The following PIK3C3 variants were observed in gnomAD, a reference collection of about 807,000 sequenced individuals.
PIK3C3 encodes the protein PI3-kinase type 3.
In PIK3C3, 95 loss-of-function variants were observed where a neutral mutation model predicts 126.1. The observed-to-expected ratio is 0.75, with a 90% CI of 0.64 to 0.89. The LOEUF (loss-of-function observed/expected upper bound fraction) is 0.89, where lower values mean the gene tolerates loss of function less well. Among genes scored for constraint, PIK3C3 ranks in the 40% least tolerant of loss-of-function variants. The pLI is 0.00. For missense variants in PIK3C3, 829 were observed against 1,063.2 expected (o/e 0.78, Z 3.06); for synonymous variants, 374 against 360.0 (o/e 1.04, Z -0.44).
At chr18:42,002,159 TC>T in intron 9 of PIK3C3, among the ~76,000 whole-genome samples, 1 of 152,272 alleles carries the variant, frequency 6.6e-6, no homozygotes. Context: ...GCCGAAAACT[TC>T]CTGTAAAACT....
chr18:42,010,506 C>T (rs1316719952), intron 10 of PIK3C3, among the ~76,000 whole-genome samples: 3 of 152,162 alleles, frequency 2.0e-5, no homozygotes, highest in Admixed American at 6.5e-5. Flanking sequence ...GCTGAGATTA[C>T]AGGCGTATGC....
At chr18:41,975,724 G>A (rs1055400759) in intron 4 of PIK3C3, among the ~76,000 whole-genome samples, 1 of 147,114 alleles carries the variant, frequency 6.8e-6, no homozygotes, top group Non-Finnish European at 1.5e-5. Context: ...TTCTGAGATG[G>A]AGTCTTGCTC....
At chr18:41,982,115 T>C (rs1981236023) in intron 4 of PIK3C3, among the ~76,000 whole-genome samples, 1 of 152,234 alleles carries the variant, frequency 6.6e-6, no homozygotes, top group Non-Finnish European at 1.5e-5. Context: ...AGATATTGTC[T>C]TCAAGTATTT....
chr18:42,042,935 G>A (rs1229082119), intron 19 of PIK3C3, among the ~76,000 whole-genome samples: 1 of 152,040 alleles, frequency 6.6e-6, no homozygotes, highest in Non-Finnish European at 1.5e-5. Flanking sequence ...TAGGCCATTT[G>A]TTTCTTCTGT....
intron 4 of PIK3C3, among the ~76,000 whole-genome samples, chr18:41,979,297 T>C (rs897715067): frequency 2.6e-5 from 4 of 152,164 alleles, no homozygotes; most frequent in Non-Finnish European, 5.9e-5. Flanking sequence ...AAGGCAGAGA[T>C]TGCCTTTGTG....
intron 22 of PIK3C3, among the ~76,000 whole-genome samples, chr18:42,062,266 C>T (rs1283948578): frequency 6.9e-6 from 1 of 144,500 alleles, no homozygotes; most frequent in Non-Finnish European, 1.5e-5. Context: ...TAATATGTAA[C>T]AGCGGATTGT....
At chr18:42,067,268 C>T (rs1232197893) in intron 23 of PIK3C3, 120 bp from the exon 24 acceptor site, 3 of 857,274 alleles carry the variant, frequency 3.5e-6, no homozygotes, top group Non-Finnish European at 5.5e-6. Flanking sequence ...AGTTACAGGT[C>T]ATTTATTTGC....
chr18:42,014,541 A>C (rs1982985580), intron 11 of PIK3C3, among the ~76,000 whole-genome samples: 1 of 152,182 alleles, frequency 6.6e-6, no homozygotes, highest in South Asian at 2.1e-4. Context: ...CAAATGGTAG[A>C]GTTGACTCCA....
intron 19 of PIK3C3, among the ~76,000 whole-genome samples, chr18:42,041,918 CTT>C (rs920078323): frequency 1.3e-5 from 2 of 152,150 alleles, no homozygotes; most frequent in Non-Finnish European, 2.9e-5. Context: ...CTGGTTAACT[CTT>C]TTTGCAGAGA....
intron 15 of PIK3C3, among the ~76,000 whole-genome samples, chr18:42,033,331 C>G (rs535077368): frequency 1.3e-5 from 2 of 152,256 alleles, no homozygotes; most frequent in East Asian, 3.9e-4. Context: ...CATACAGACT[C>G]AGTGAAAGTT....
intron 1 of PIK3C3, 172 bp downstream of exon 1, chr18:41,955,531 G>C: frequency 1.8e-6 from 1 of 565,552 alleles, no homozygotes; most frequent in Admixed American, 3.4e-5. Flanking sequence ...GTGGAGAGGG[G>C]CTCTTTTGGA....
At chr18:42,059,647 C>A (rs1985228103) in intron 22 of PIK3C3, 1 of 152,056 alleles carries the variant, frequency 6.6e-6, no homozygotes, top group Non-Finnish European at 1.5e-5. Flanking sequence ...GACTTCCTTG[C>A]TACAAAGAAA....
chr18:41,995,955 C>T lies in PIK3C3; in HGVS notation c.852C>T (p.His284=), dbSNP rs762755261. 6.5e-5 allele frequency: 105 copies of T among 1,612,340 alleles called. No individual in the cohort carries two copies. Among genetic ancestry groups the T allele is most frequent in the African/African-American group, 8.0e-5 (6 of 74,822 alleles). Residue 284 remains histidine (H), a synonymous_variant, in exon 8 of 25, where the codon CAC becomes CAT. Coordinates refer to ENST00000262039, the MANE Select transcript of PIK3C3 (RefSeq NM_002647.4). The stretch of plus-strand genomic sequence containing the variant: ...GTTTAAGAAGTGGACCTTCTGACCA[C>T]GATCTGAAACCCAATGCTGCCACGA... ...ARSLRSGPSD[H]DLKPNAATRD...
intron 21 of PIK3C3, chr18:42,049,974 A>AT (rs1984728709): frequency 7.2e-6 from 1 of 139,148 alleles, no homozygotes; most frequent in Non-Finnish European, 1.6e-5. Flanking sequence ...ACGCCATCTT[A>AT]GAAAAAAAAA....
At chr18:42,037,554 T>G in intron 16 of PIK3C3, 138 bp from the exon 17 acceptor site, 1 of 646,160 alleles carries the variant, frequency 1.5e-6, no homozygotes, top group South Asian at 2.2e-5. Context: ...CTAATGTATC[T>G]CATTGAAAAC....
At chr18:42,039,943 T>G (rs558146212) in intron 18 of PIK3C3, among the ~76,000 whole-genome samples, 1 of 152,350 alleles carries the variant, frequency 6.6e-6, no homozygotes, top group East Asian at 1.9e-4. Context: ...GAGATATTTC[T>G]TATTCTACAG....
chr18:41,971,297 T>A (rs1354157831), intron 4 of PIK3C3: 1 of 152,160 alleles, frequency 6.6e-6, no homozygotes, highest in Non-Finnish European at 1.5e-5. Flanking sequence ...GGAAGTTTTG[T>A]TGCTAAGCTT....
At chr18:42,067,040 A>G (rs1486875667) in intron 23 of PIK3C3, among the ~76,000 whole-genome samples, 1 of 152,176 alleles carries the variant, frequency 6.6e-6, no homozygotes, top group Admixed American at 6.5e-5. Flanking sequence ...AATTTAAATC[A>G]TATATAGTAA....
At chr18:42,071,795 T>C (rs560189432) in intron 24 of PIK3C3, among the ~76,000 whole-genome samples, 9 of 151,974 alleles carry the variant, frequency 5.9e-5, no homozygotes, top group Non-Finnish European at 1.2e-4. Context: ...ATTCAGTTCT[T>C]TTTTACCAGA....
Sources: allele counts gnomAD v4.1 joint callset (sites outside exome capture counted in the v4.1 genomes callset), GRCh38; gene constraint gnomAD v4.1.1; transcripts MANE v1.5; gene names NCBI Gene and HGNC (gene_info 2026-07-23, HGNC 2026-07-21).